The following FOXP1 variants were observed in gnomAD, a reference collection of about 807,000 sequenced individuals.
The protein encoded by FOXP1 is forkhead box P1, also known as forkhead box protein P1.
A neutral mutation model predicts 98.2 loss-of-function variants in FOXP1; 15 were observed. The ratio of observed to expected loss-of-function variants is 0.15; its 90% CI spans 0.10 to 0.24. The LOEUF (loss-of-function observed/expected upper bound fraction) is 0.24, where lower values mean the gene tolerates loss of function less well. Ranked by LOEUF, FOXP1 falls within the 10% of genes least tolerant of loss-of-function variation. FOXP1 has a pLI of 1.00. For missense variants in FOXP1, 633 were observed against 848.5 expected (o/e 0.75, Z 3.15); for synonymous variants, 371 against 314.5 (o/e 1.18, Z -1.90).
intron 20 of FOXP1, among the ~76,000 whole-genome samples, chr3:70,965,589 TGAG>T (rs1193444760): frequency 1.3e-5 from 2 of 152,072 alleles, no homozygotes; most frequent in African/African-American, 4.8e-5. Flanking sequence ...CATATTAGTT[TGAG>T]GAGGAAAAAG....
chr3:71,296,774 C>G lies in FOXP1; in HGVS notation c.-12+3046G>C, dbSNP rs142594981. 1.4e-4 allele frequency among the ~76,000 whole-genome samples: 22 copies of G among 152,292 alleles called. 1 individual carries two copies. Among genetic ancestry groups the G allele is most frequent in the African/African-American group, 5.3e-4 (22 of 41,570 alleles). The stretch of plus-strand genomic sequence containing the variant: ...AGGTGTTTGGATCATGGGGGCTGAT[C>G]TCTCACGAATGGCTAGTGTCCTCCC... On this transcript the variant is annotated intron_variant, in intron 5 of 20. Coordinates refer to ENST00000649528, the MANE Select transcript of FOXP1 (RefSeq NM_001349338.3).
Position 71,154,395 on chromosome 3 carries a change from G to A in FOXP1, c.181-41758C>T, listed in dbSNP as rs722262. 8.2e-3 allele frequency among the ~76,000 whole-genome samples: 1,253 copies of A among 152,172 alleles called. 13 individuals are homozygous for A. Among genetic ancestry groups the A allele is most frequent in the African/African-American group, 0.028 (1,179 of 41,512 alleles). ...GACTGTAATGTGCCTGGGAATCAAC[G>A]TATTCCTTAAGGAAAACTCTAAAAC... On this transcript the variant is annotated intron_variant, in intron 6 of 20. Coordinates refer to ENST00000649528, the MANE Select transcript of FOXP1 (RefSeq NM_001349338.3).
In FOXP1 at chr3:71,180,282, AAGAGACTCACCAGGTAAC is replaced by A. The variant is rs570214670; in HGVS notation, c.180+17902_180+17919del. ...TATTATTTCAGACTAGAACCTAAAA[AAGAGACTCACCAGGTAAC>A]AGCCTAGGAAGCTACTGATTATATG... On this transcript the variant is annotated intron_variant, in intron 6 of 20. Coordinates refer to ENST00000649528, the MANE Select transcript of FOXP1 (RefSeq NM_001349338.3). 4.6e-3 allele frequency among the ~76,000 whole-genome samples: 702 copies of A among 152,318 alleles called. 2 individuals are homozygous for A. Among genetic ancestry groups the A allele is most frequent in the Non-Finnish European group, 6.3e-3 (429 of 68,024 alleles).
At chr3:71,012,661 G>A (rs1341030427) in intron 12 of FOXP1, among the ~76,000 whole-genome samples, 1 of 151,984 alleles carries the variant, frequency 6.6e-6, no homozygotes, top group African/African-American at 2.4e-5. Flanking sequence ...TCTCTCTAAG[G>A]ATGGCTTTAT....
chr3:71,354,400 C>T (rs1026199109), intron 4 of FOXP1, among the ~76,000 whole-genome samples: 26 of 152,166 alleles, frequency 1.7e-4, no homozygotes, highest in African/African-American at 4.6e-4. Flanking sequence ...AGCAAGAAGG[C>T]GTACAGACAC....
At chr3:71,563,620 T>C (rs2046700738) in intron 2 of FOXP1, among the ~76,000 whole-genome samples, 1 of 152,218 alleles carries the variant, frequency 6.6e-6, no homozygotes, top group Non-Finnish European at 1.5e-5. Flanking sequence ...GTCTTGGGTC[T>C]TCAATATGTA....
intron 5 of FOXP1, among the ~76,000 whole-genome samples, chr3:71,208,891 T>C (rs898059370): frequency 6.6e-6 from 1 of 152,140 alleles, no homozygotes; most frequent in Non-Finnish European, 1.5e-5. Flanking sequence ...TTCTGACATT[T>C]AGAGAGGCAG....
intron 11 of FOXP1, among the ~76,000 whole-genome samples, chr3:71,016,810 A>C (rs1218053626): frequency 2.6e-5 from 4 of 152,166 alleles, no homozygotes; most frequent in Non-Finnish European, 4.4e-5. Flanking sequence ...TCCCTGACTT[A>C]TAACACAACC....
At chr3:71,372,258 G>A (rs1020456638) in intron 3 of FOXP1, among the ~76,000 whole-genome samples, 2 of 151,538 alleles carry the variant, frequency 1.3e-5, no homozygotes, top group Admixed American at 6.6e-5. Flanking sequence ...CTGACTTGAG[G>A]TGATCCGCCC....
intron 18 of FOXP1, 45 bp from the exon 19 acceptor site, chr3:70,970,850 T>C: frequency 7.0e-7 from 1 of 1,431,640 alleles, no homozygotes; most frequent in Middle Eastern, 1.8e-4. Flanking sequence ...CACAGTCGAC[T>C]GCTGAGTTCC....
intron 3 of FOXP1, among the ~76,000 whole-genome samples, chr3:71,371,032 C>A (rs976606917): frequency 6.6e-6 from 1 of 152,084 alleles, no homozygotes; most frequent in Non-Finnish European, 1.5e-5. Context: ...CCACTTCAGC[C>A]TCCCTGTAAT....
intron 5 of FOXP1, among the ~76,000 whole-genome samples, chr3:71,285,424 A>C (rs977502757): frequency 1.3e-5 from 2 of 152,214 alleles, no homozygotes; most frequent in Non-Finnish European, 2.9e-5. Context: ...GTTTTTTAAA[A>C]AATCAGGCTT....
intron 5 of FOXP1, among the ~76,000 whole-genome samples, chr3:71,220,351 C>T: frequency 6.6e-6 from 1 of 152,118 alleles, no homozygotes; most frequent in East Asian, 1.9e-4. Context: ...GTGAGAATGG[C>T]CAAGTGAGGG....
At chr3:71,028,708 A>T (rs1054805214) in intron 11 of FOXP1, among the ~76,000 whole-genome samples, 1 of 152,198 alleles carries the variant, frequency 6.6e-6, no homozygotes, top group Admixed American at 6.5e-5. Flanking sequence ...TATTTCTATT[A>T]TTATTACATT....
intron 7 of FOXP1, among the ~76,000 whole-genome samples, chr3:71,064,567 TG>T (rs563453377): frequency 8.2e-5 from 12 of 146,400 alleles, no homozygotes; most frequent in Non-Finnish European, 9.1e-5. Flanking sequence ...GCAAGGGGGG[TG>T]GGGGGGTATC....
At chr3:71,498,837 T>G (rs891643495) in intron 2 of FOXP1, among the ~76,000 whole-genome samples, 4 of 152,130 alleles carry the variant, frequency 2.6e-5, no homozygotes, top group African/African-American at 7.2e-5. Flanking sequence ...GCCTGAGAAT[T>G]TCTAGCAAGT....
chr3:71,269,098 GTTTT>G lies in FOXP1; in HGVS notation c.-12+30718_-12+30721del, dbSNP rs371969799. On this transcript the variant is annotated intron_variant, in intron 5 of 20. Coordinates refer to ENST00000649528, the MANE Select transcript of FOXP1 (RefSeq NM_001349338.3). ...AGCTACTCAGAGTGGGGTTTTTTTT[GTTTT>G]TTTTTTTTTTCATTTAATGGCACAT... 3.6e-3 allele frequency among the ~76,000 whole-genome samples: 486 copies of G among 136,750 alleles called. 3 individuals are homozygous for G. Among genetic ancestry groups the G allele is most frequent in the African/African-American group, 0.013 (469 of 37,280 alleles). 89.7% of individuals were successfully genotyped at this position (136,750 alleles called of 152,430 possible).
chr3:71,221,273 A>G (rs1160967499), intron 5 of FOXP1, among the ~76,000 whole-genome samples: 1 of 152,198 alleles, frequency 6.6e-6, no homozygotes, highest in East Asian at 1.9e-4. Flanking sequence ...TCTCCTGGTC[A>G]GAAAAATTGT....
Position 71,581,716 on chromosome 3 carries a change from C to G in FOXP1, c.-446-19G>C, listed in dbSNP as rs1182650012. On this transcript the variant is annotated intron_variant, in intron 1 of 20. Transcript: ENST00000649528. The stretch of plus-strand genomic sequence containing the variant: ...TCGGGTTCTGCAGTCGACAAGAAAC[C>G]GGGGCGACCCTCAGCAAGTCTTCCC... The G allele has an allele frequency of 6.1e-6, 6 of 985,588 alleles. No homozygotes were observed. The highest frequency in any genetic ancestry group is 7.2e-6 in the Non-Finnish European group (6 of 830,160). 61.1% of individuals were successfully genotyped at this position (985,588 alleles called of 1,614,324 possible).
Sources: allele counts gnomAD v4.1 joint callset (sites outside exome capture counted in the v4.1 genomes callset), GRCh38; gene constraint gnomAD v4.1.1; transcripts MANE v1.5; gene names NCBI Gene and HGNC (gene_info 2026-07-23, HGNC 2026-07-21).